Variants in RBMS3 observed in about 807,000 individuals in gnomAD.
RBMS3 encodes the protein RNA binding motif single stranded interacting protein 3, also known as RNA-binding motif, single-stranded-interacting protein 3.
A neutral mutation model predicts 66.8 loss-of-function variants in RBMS3; 27 were observed. The observed-to-expected ratio is 0.40, with a 90% CI of 0.30 to 0.56. The LOEUF is 0.56. Ranked by LOEUF, RBMS3 falls within the 20% of genes least tolerant of loss-of-function variation. RBMS3 has a pLI of 0.40. For synonymous variants in RBMS3, 188 were observed against 183.0 expected (o/e 1.03, Z -0.22); for missense variants, 513 against 549.5 (o/e 0.93, Z 0.66).
intron 6 of RBMS3, among the ~76,000 whole-genome samples, chr3:29,770,044 C>T (rs2056128925): frequency 6.6e-6 from 1 of 151,912 alleles, no homozygotes; most frequent in Non-Finnish European, 1.5e-5. Context: ...ATACTGAGGA[C>T]CTAATTGTAG....
At chr3:29,730,239 T>C (rs1053965948) in intron 4 of RBMS3, among the ~76,000 whole-genome samples, 1 of 147,402 alleles carries the variant, frequency 6.8e-6, no homozygotes, top group Non-Finnish European at 1.5e-5. Flanking sequence ...TTAATATATA[T>C]GACACAGTGT....
chr3:29,818,472 C>G (rs886917189), intron 6 of RBMS3, among the ~76,000 whole-genome samples: 5 of 151,710 alleles, frequency 3.3e-5, no homozygotes, highest in African/African-American at 9.7e-5. Flanking sequence ...GAGAGAATTT[C>G]TCAATAATTC....
At chr3:29,713,258 T>C (rs79594536) in intron 4 of RBMS3, among the ~76,000 whole-genome samples, 2,173 of 152,196 alleles carry the variant, frequency 0.014, 49 homozygotes, top group African/African-American at 0.045. Context: ...TCACCCTCTC[T>C]TTGTTCAGTG....
At chr3:29,292,143 T>A (rs1041397620) in intron 1 of RBMS3, among the ~76,000 whole-genome samples, 2 of 151,796 alleles carry the variant, frequency 1.3e-5, no homozygotes, top group Non-Finnish European at 2.9e-5. Context: ...TCTAGACAGA[T>A]CTCACTGAAT....
chr3:29,809,981 T>C (rs1576871758), intron 6 of RBMS3, among the ~76,000 whole-genome samples: 1 of 152,250 alleles, frequency 6.6e-6, no homozygotes, highest in East Asian at 1.9e-4. Context: ...TACTTCATTT[T>C]ACTATTATAT....
At position 30,005,032 on chromosome 3, in the gene RBMS3, T is replaced by G. The variant is rs1699766029; in HGVS notation, c.*1170T>G. On this transcript the variant is annotated 3_prime_UTR_variant, in exon 15 of 15. Transcript: ENST00000383767. ...CAAATTCAGCCTATGGATGGCCTAT[T>G]TTATACCAAAGATGAAGTGACACCC... 1 of 151,964 alleles carries G rather than the reference T, an allele frequency of 6.6e-6. No individual in the cohort carries two copies. Among genetic ancestry groups the G allele is most frequent in the African/African-American group, 2.4e-5 (1 of 41,338 alleles). The allele number at this position is 151,964 out of a possible 1,614,324, so 9.4% of individuals were successfully genotyped here.
chr3:29,364,931 G>A (rs1262749684), intron 1 of RBMS3, among the ~76,000 whole-genome samples: 1 of 152,080 alleles, frequency 6.6e-6, no homozygotes, highest in African/African-American at 2.4e-5. Flanking sequence ...ATAATTTGTG[G>A]AGTTTGGTTT....
At chr3:29,920,968 A>G (rs1445332951) in intron 10 of RBMS3, among the ~76,000 whole-genome samples, 1 of 152,158 alleles carries the variant, frequency 6.6e-6, no homozygotes, top group African/African-American at 2.4e-5. Flanking sequence ...TACATTTTAA[A>G]AGGAAGGTCT....
intron 3 of RBMS3, among the ~76,000 whole-genome samples, chr3:29,511,270 TG>T (rs2044398401): frequency 6.6e-6 from 1 of 152,178 alleles, no homozygotes; most frequent in East Asian, 1.9e-4. Context: ...CACTCCAGCC[TG>T]GGCGACGGAG....
At chr3:29,550,983 C>T (rs1286356215) in intron 3 of RBMS3, among the ~76,000 whole-genome samples, 1 of 152,228 alleles carries the variant, frequency 6.6e-6, no homozygotes, top group Non-Finnish European at 1.5e-5. Flanking sequence ...GTCTCTGCTA[C>T]ATTCTCTCTA....
At chr3:29,585,933 C>G (rs941133177) in intron 3 of RBMS3, among the ~76,000 whole-genome samples, 14 of 151,914 alleles carry the variant, frequency 9.2e-5, no homozygotes. Context: ...AGACGAGATT[C>G]GAGGGGAAAA....
intron 10 of RBMS3, among the ~76,000 whole-genome samples, chr3:29,907,727 G>T (rs986909600): frequency 1.1e-4 from 16 of 151,842 alleles, no homozygotes; most frequent in Non-Finnish European, 1.6e-4. Flanking sequence ...ATTAACAAAG[G>T]CTTTATAAAG....
At chr3:29,591,932 T>C (rs9845082) in intron 4 of RBMS3, among the ~76,000 whole-genome samples, 22,586 of 152,000 alleles carry the variant, frequency 0.15, 1,930 homozygotes, top group East Asian at 0.32. Context: ...AAATCTCAGT[T>C]AAGCAATCAC....
Position 29,698,529 on chromosome 3 carries a change from G to A in RBMS3, c.400-41191G>A, listed in dbSNP as rs73831650. ...AATGTGCCTATTTTTATGGATGGTG[G>A]GTCAAGATGGCGGATTCAATGAAAT... On this transcript the variant is annotated intron_variant, in intron 4 of 14. Coordinates refer to ENST00000383767, the MANE Select transcript of RBMS3 (RefSeq NM_001003793.3). 0.018 allele frequency: 17,961 copies of A among 985,092 alleles called. 2,336 individuals carry two copies. In the African/African-American group the frequency reaches 0.28, roughly 15 times the overall value. The allele number at this position is 985,092 out of a possible 1,614,324, so 61.0% of individuals were successfully genotyped here. A position where few individuals can be genotyped will look rare whatever the true frequency, so the allele number is the denominator to read the frequency against.
At chr3:29,877,887 A>G (rs1210885546) in intron 7 of RBMS3, among the ~76,000 whole-genome samples, 1 of 152,084 alleles carries the variant, frequency 6.6e-6, no homozygotes, top group African/African-American at 2.4e-5. Flanking sequence ...TTCTCCCTTG[A>G]CAGGAAGAAG....
chr3:29,980,550 G>T (rs1404422614), intron 12 of RBMS3, among the ~76,000 whole-genome samples: 1 of 152,122 alleles, frequency 6.6e-6, no homozygotes, highest in African/African-American at 2.4e-5. Flanking sequence ...TTCTTCTAAG[G>T]TTTTTAAGGT....
intron 1 of RBMS3, among the ~76,000 whole-genome samples, chr3:29,285,102 T>G (rs1439374079): frequency 6.6e-6 from 1 of 151,354 alleles, no homozygotes; most frequent in Non-Finnish European, 1.5e-5. Context: ...AAATACAAAA[T>G]GTTTGATTAG....
chr3:29,424,569 T>C (rs2040869561), intron 1 of RBMS3, among the ~76,000 whole-genome samples: 1 of 152,154 alleles, frequency 6.6e-6, no homozygotes, highest in Non-Finnish European at 1.5e-5. Flanking sequence ...TTAGATTGGA[T>C]TGTATATGCT....
chr3:29,991,903 A>C (rs868311290), intron 14 of RBMS3, among the ~76,000 whole-genome samples: 3 of 152,234 alleles, frequency 2.0e-5, no homozygotes, highest in Middle Eastern at 3.2e-3. Context: ...GGTCTTATTC[A>C]GGAATAAAAT....
Sources: allele counts gnomAD v4.1 joint callset (sites outside exome capture counted in the v4.1 genomes callset), GRCh38; gene constraint gnomAD v4.1.1; transcripts MANE v1.5; gene names NCBI Gene and HGNC (gene_info 2026-07-23, HGNC 2026-07-21).